Variants in TENM4 observed in about 807,000 individuals in gnomAD.
The protein encoded by TENM4 is teneurin-4.
A neutral mutation model predicts 243.3 loss-of-function variants in TENM4; 82 were observed. That is an observed-to-expected ratio of 0.34 (90% CI 0.28 to 0.40). The LOEUF is 0.40. Ranked by LOEUF, TENM4 falls within the 10% of genes least tolerant of loss-of-function variation. The probability of loss-of-function intolerance (pLI) is 1.00; values close to 1 mark genes in which losing one functional copy is unlikely to be tolerated. For missense variants in TENM4, 3,138 were observed against 3,673.3 expected, an observed-to-expected ratio of 0.85 and a Z score of 3.77; for synonymous variants, 1,412 against 1,456.3, an observed-to-expected ratio of 0.97 and a Z score of 0.69.
chr11:79,272,336 AT>A (rs1855981934), intron 2 of TENM4, among the ~76,000 whole-genome samples: 2 of 152,210 alleles, frequency 1.3e-5, no homozygotes, highest in African/African-American at 4.8e-5. Flanking sequence ...TAGTAGCCAC[AT>A]TTAAAAAGCA....
At chr11:79,397,025 C>T (rs1042160107) in intron 1 of TENM4, among the ~76,000 whole-genome samples, 10 of 152,234 alleles carry the variant, frequency 6.6e-5, no homozygotes, top group South Asian at 2.1e-4. Context: ...CAGTCAAGGA[C>T]GCAGGTGCAG....
At chr11:78,827,305 A>G (rs1006615685) in intron 12 of TENM4, among the ~76,000 whole-genome samples, 5 of 152,082 alleles carry the variant, frequency 3.3e-5, no homozygotes, top group East Asian at 1.9e-4. Context: ...GCCCTTTTCA[A>G]GTAAGGTCTT....
intron 6 of TENM4, among the ~76,000 whole-genome samples, chr11:78,912,678 G>A (rs889942913): frequency 6.6e-6 from 1 of 152,236 alleles, no homozygotes; most frequent in African/African-American, 2.4e-5. Flanking sequence ...GACTGGGGGA[G>A]AGTGCCCTAC....
chr11:78,687,100 C>A (rs1858699979), intron 29 of TENM4, among the ~76,000 whole-genome samples: 1 of 152,110 alleles, frequency 6.6e-6, no homozygotes, highest in Non-Finnish European at 1.5e-5. Flanking sequence ...TTTCCCAGAC[C>A]CAGAGACCAA....
At chr11:79,288,810 G>T (rs1400158618) in intron 2 of TENM4, among the ~76,000 whole-genome samples, 1 of 152,114 alleles carries the variant, frequency 6.6e-6, no homozygotes, top group Non-Finnish European at 1.5e-5. Context: ...AAACTAGGGG[G>T]AAGGAGGGAT....
intron 3 of TENM4, among the ~76,000 whole-genome samples, chr11:79,200,829 C>T (rs942078460): frequency 1.3e-5 from 2 of 152,158 alleles, no homozygotes; most frequent in Non-Finnish European, 2.9e-5. Flanking sequence ...GATTATTATG[C>T]CCTGGAAAAA....
intron 6 of TENM4, among the ~76,000 whole-genome samples, chr11:79,012,032 C>T (rs957421974): frequency 6.6e-6 from 1 of 152,150 alleles, no homozygotes; most frequent in Non-Finnish European, 1.5e-5. Context: ...CTGCTAGAAC[C>T]CTTGGGACAA....
chr11:78,684,518 T>C (rs537845281), intron 29 of TENM4, among the ~76,000 whole-genome samples: 1 of 151,954 alleles, frequency 6.6e-6, no homozygotes, highest in East Asian at 1.9e-4. Flanking sequence ...CCCATTTCTC[T>C]CTCTCTCACA....
chr11:79,433,298 A>C (rs1859205810), intron 1 of TENM4, among the ~76,000 whole-genome samples: 1 of 152,208 alleles, frequency 6.6e-6, no homozygotes, highest in South Asian at 2.1e-4. Context: ...CAAATGAAGT[A>C]GAATCTGCAT....
At chr11:79,316,180 T>C (rs1448085862) in intron 1 of TENM4, among the ~76,000 whole-genome samples, 2 of 151,778 alleles carry the variant, frequency 1.3e-5, no homozygotes, top group African/African-American at 2.4e-5. Flanking sequence ...GTGGGAGAAA[T>C]GAGGGTTATA....
intron 6 of TENM4, among the ~76,000 whole-genome samples, chr11:78,952,469 T>C (rs953704464): frequency 1.3e-5 from 2 of 152,074 alleles, no homozygotes; most frequent in African/African-American, 4.8e-5. Flanking sequence ...GAGGGATGGA[T>C]TAAAGGGAGA....
At chr11:79,312,150 C>T (rs928710922) in intron 1 of TENM4, among the ~76,000 whole-genome samples, 12 of 152,166 alleles carry the variant, frequency 7.9e-5, no homozygotes, top group African/African-American at 2.9e-4. Context: ...TCTACAGCTC[C>T]CCACAGGACT....
chr11:78,909,302 C>T (rs951692842), intron 6 of TENM4, among the ~76,000 whole-genome samples: 4 of 152,166 alleles, frequency 2.6e-5, no homozygotes, highest in African/African-American at 7.2e-5. Flanking sequence ...TACTACTTGC[C>T]GGATACTTTC....
At position 78,676,325 on chromosome 11, in the gene TENM4, C is replaced by T. The variant is rs575393534; in HGVS notation, c.5323G>A (p.Gly1775Ser). The stretch of plus-strand genomic sequence containing the variant: ...TCAGTCTGCAGCGCCACCTCCATGC[C>T]GTTGGCCAGCAGCAGCCGCAAGGAG... Reference protein sequence around the residue: ...DGSLRLLLANGMEVALQTEPH... With the variant: ...DGSLRLLLANSMEVALQTEPH... The change falls in exon 30 of 34, where the codon GGC (glycine) becomes AGC (serine). Residue 1775 changes from glycine to serine, a missense_variant. This residue lies in a region of TENM4 where 2,467 missense variants were observed against 3,059.1 expected (regional missense o/e 0.81). Transcript: ENST00000278550. 4.2e-5 allele frequency: 68 copies of T among 1,610,880 alleles called. No homozygotes were observed. The highest frequency in any genetic ancestry group is 3.5e-4 in the South Asian group (32 of 91,038).
chr11:79,365,985 G>C (rs1403417965), intron 1 of TENM4, among the ~76,000 whole-genome samples: 1 of 152,146 alleles, frequency 6.6e-6, no homozygotes, highest in Non-Finnish European at 1.5e-5. Flanking sequence ...CTAAGCAAGA[G>C]AGCCCATGCT....
At chr11:78,716,426 G>T (rs1859522610) in intron 25 of TENM4, among the ~76,000 whole-genome samples, 1 of 152,152 alleles carries the variant, frequency 6.6e-6, no homozygotes, top group African/African-American at 2.4e-5. Context: ...TCTGTCTTTT[G>T]GATGAAACCT....
intron 4 of TENM4, among the ~76,000 whole-genome samples, chr11:79,098,536 C>CT (rs1244419206): frequency 1.3e-5 from 2 of 152,226 alleles, no homozygotes. Context: ...AGGACTCACC[C>CT]TAAAGGTAAG....
intron 7 of TENM4, 108 bp downstream of exon 7, chr11:78,903,160 C>G: frequency 1.4e-6 from 2 of 1,381,858 alleles, no homozygotes; most frequent in Non-Finnish European, 1.9e-6. Context: ...CCCAGCTCCT[C>G]CGGCCGGCGT....
intron 9 of TENM4, among the ~76,000 whole-genome samples, chr11:78,863,376 G>A (rs949596649): frequency 5.9e-5 from 9 of 152,194 alleles, no homozygotes; most frequent in East Asian, 1.9e-4. Flanking sequence ...AGGCAGGATC[G>A]GGGAGTCTCA....
Sources: allele counts gnomAD v4.1 joint callset (sites outside exome capture counted in the v4.1 genomes callset), GRCh38; gene constraint gnomAD v4.1.1; regional missense constraint gnomAD v4.1.1; transcripts MANE v1.5; gene names NCBI Gene and HGNC (gene_info 2026-07-23, HGNC 2026-07-21).